The following BAIAP2 variants were observed in gnomAD, a reference collection of about 807,000 sequenced individuals.
BAIAP2 encodes BAR/IMD domain containing adaptor protein 2.
Under a neutral mutation model 63.0 loss-of-function variants are expected in BAIAP2, and 18 were observed. The observed-to-expected ratio is 0.29, with a 90% confidence interval of 0.20 to 0.42. BAIAP2 has a LOEUF of 0.42. Among genes scored for constraint, BAIAP2 ranks in the 10% least tolerant of loss-of-function variants. The pLI is 1.00. For synonymous variants in BAIAP2, 386 were observed against 307.6 expected (o/e 1.25, Z -2.67); for missense variants, 610 against 734.3 (o/e 0.83, Z 1.96).
chr17:81,048,854 C>T (rs929386659), intron 1 of BAIAP2, among the ~76,000 whole-genome samples: 1 of 152,190 alleles, frequency 6.6e-6, no homozygotes, highest in Non-Finnish European at 1.5e-5. Flanking sequence ...GGCAGCCAAG[C>T]GTGCGGGCAT....
At chr17:81,097,802 C>G (rs993820619) in intron 6 of BAIAP2, 9 of 271,636 alleles carry the variant, frequency 3.3e-5, no homozygotes, top group Non-Finnish European at 1.4e-5. Context: ...CTGCGGCCTC[C>G]CAGGAGGGGC....
chr17:81,062,583 A>T (rs1277860511), intron 3 of BAIAP2, among the ~76,000 whole-genome samples: 2 of 151,908 alleles, frequency 1.3e-5, no homozygotes, highest in Non-Finnish European at 2.9e-5. Flanking sequence ...GGCCGTGCAG[A>T]GTCAGCTTCT....
At chr17:81,085,447 C>T (rs773653993) in intron 4 of BAIAP2, 3 of 687,546 alleles carry the variant, frequency 4.4e-6, no homozygotes. Context: ...GTCCGACGTT[C>T]CAGACTCCTG....
At chr17:81,089,584 C>T (rs886248702) in intron 6 of BAIAP2, among the ~76,000 whole-genome samples, 9 of 7,768 alleles carry the variant, frequency 1.2e-3, no homozygotes, top group African/African-American at 3.3e-3. Context: ...TGTTTCCCAA[C>T]GGCTGCCACA....
At chr17:81,108,347 C>G in intron 12 of BAIAP2, 128 bp from the exon 13 acceptor site, 2 of 1,015,002 alleles carry the variant, frequency 2.0e-6, no homozygotes, top group South Asian at 1.5e-5. Flanking sequence ...AGATGGGGAG[C>G]CTTCCAAAGG....
At position 81,035,304 on chromosome 17, in the gene BAIAP2, A is replaced by G. The variant is rs776230594; in HGVS notation, c.50A>G (p.Tyr17Cys). The change falls in exon 1 of 14, where the codon TAT becomes TGT. Residue 17 changes from tyrosine (Y) to cysteine (C), a missense_variant. By Grantham distance (194) the Tyr-to-Cys change is radical. Coordinates refer to ENST00000428708, the MANE Select transcript of BAIAP2 (RefSeq NM_001144888.2). ...ATGCACCGGCTCACGGAAAATGTCT[A>G]TAAGGTGAGCGCCCCCCGGCGCCGA... is the stretch of plus-strand genomic sequence containing the variant. ...EEMHRLTENV[Y>C]KTIMEQFNPS... is the part of the protein sequence containing the mutation. 4 of 1,476,502 alleles carry G rather than the reference A, an allele frequency of 2.7e-6. No individual in the cohort carries two copies. The highest frequency in any genetic ancestry group is 3.6e-6 in the Non-Finnish European group (4 of 1,105,222). 91.5% of individuals were successfully genotyped at this position (1,476,502 alleles called of 1,614,324 possible). A position where few individuals can be genotyped will look rare whatever the true frequency, so the allele number is the denominator to read the frequency against.
intron 1 of BAIAP2, among the ~76,000 whole-genome samples, chr17:81,044,480 G>A (rs1218996102): frequency 6.6e-6 from 1 of 152,216 alleles, no homozygotes; most frequent in East Asian, 1.9e-4. Context: ...ATGGGATTAG[G>A]GCCCGCCCTA....
chr17:81,096,620 C>T lies in BAIAP2; in HGVS notation c.490-3308C>T, dbSNP rs1381353904. Among the ~76,000 whole-genome samples the T allele has an allele frequency of 4.6e-5, 7 of 152,220 alleles. No homozygotes were observed. In the South Asian group the frequency reaches 6.2e-4, roughly 14 times the overall value. On this transcript the variant is annotated intron_variant, in intron 6 of 13. Transcript: ENST00000428708. ...CTTGTGCACAAGCCCACTTGTTTCTCGGAGCACACCCTCCCCACCCAGTCC... is the reference window on the plus strand; with the variant it reads ...CTTGTGCACAAGCCCACTTGTTTCTTGGAGCACACCCTCCCCACCCAGTCC...
rs138656369 is a variant in BAIAP2, at chr17:81,055,569, G to GGTTTTTTTTTTTTTTTTTTTTT, written c.130+1826_130+1827insGTTTTTTTTTTTTTTTTTTTTT. On this transcript the variant is annotated intron_variant, in intron 2 of 13. Transcript: ENST00000428708. ...TTCCTCCAGCGAAAGTCTGCAGGGT[G>GGTTTTTTTTTTTTTTTTTTTTT]TTTTGTTTTTTTTTGAGACGGAGTC... Among the ~76,000 whole-genome samples the GGTTTTTTTTTTTTTTTTTTTTT allele has an allele frequency of 2.9e-3, 272 of 93,866 alleles. 30 individuals are homozygous for GGTTTTTTTTTTTTTTTTTTTTT. The highest frequency in any genetic ancestry group is 8.8e-3 in the East Asian group (26 of 2,942). The allele number at this position is 93,866 out of a possible 152,430, so 61.6% of individuals were successfully genotyped here.
intron 6 of BAIAP2, among the ~76,000 whole-genome samples, chr17:81,087,179 A>C (rs1052608730): frequency 2.0e-5 from 3 of 151,900 alleles, no homozygotes; most frequent in African/African-American, 7.2e-5. Flanking sequence ...GAAGAGAAAG[A>C]AACACAAAAC....
chr17:81,047,483 GCA>G (rs1172425519), intron 1 of BAIAP2, among the ~76,000 whole-genome samples: 1 of 152,238 alleles, frequency 6.6e-6, no homozygotes, highest in Non-Finnish European at 1.5e-5. Context: ...GACACATGTA[GCA>G]CACACACAGG....
At chr17:81,082,811 T>C (rs908431480) in intron 3 of BAIAP2, among the ~76,000 whole-genome samples, 1 of 152,186 alleles carries the variant, frequency 6.6e-6, no homozygotes, top group African/African-American at 2.4e-5. Flanking sequence ...CAGCCCTGTG[T>C]GTGCTGACCC....
intron 1 of BAIAP2, among the ~76,000 whole-genome samples, chr17:81,044,887 C>A (rs898092292): frequency 6.6e-6 from 1 of 152,252 alleles, no homozygotes; most frequent in Non-Finnish European, 1.5e-5. Context: ...AATGCACCGT[C>A]CCGTGTGGGC....
intron 6 of BAIAP2, among the ~76,000 whole-genome samples, chr17:81,094,992 T>C (rs2057386734): frequency 6.6e-6 from 1 of 152,246 alleles, no homozygotes; most frequent in Admixed American, 6.5e-5. Context: ...CCTCCCCCAC[T>C]CTGAGTCACC....
intron 1 of BAIAP2, among the ~76,000 whole-genome samples, chr17:81,050,413 G>A (rs1028564889): frequency 6.6e-6 from 1 of 152,232 alleles, no homozygotes; most frequent in Non-Finnish European, 1.5e-5. Flanking sequence ...CACTAAGGAA[G>A]CGAAACCTTG....
At chr17:81,088,623 G>C (rs955669908) in intron 6 of BAIAP2, among the ~76,000 whole-genome samples, 1 of 152,214 alleles carries the variant, frequency 6.6e-6, no homozygotes, top group Non-Finnish European at 1.5e-5. Flanking sequence ...TTTGGTGCCT[G>C]GTGGCTCACG....
intron 6 of BAIAP2, among the ~76,000 whole-genome samples, chr17:81,099,166 G>GTCTTGCTGTCCCCGTGGACGCTGA (rs1482444782): frequency 3.9e-5 from 6 of 152,216 alleles, no homozygotes; most frequent in Admixed American, 2.0e-4. Flanking sequence ...GTGGACGCTG[G>GTCTTGCTGTCCCCGTGGACGCTGA]TCTTGCTTTC....
chr17:81,086,612 C>T (rs2055688013), intron 6 of BAIAP2, 32 bp downstream of exon 6: 1 of 1,610,932 alleles, frequency 6.2e-7, no homozygotes, highest in African/African-American at 1.3e-5. Context: ...TGGTGCCTCT[C>T]CTGCCACCTT....
chr17:81,042,976 T>C (rs2047298013), intron 1 of BAIAP2, among the ~76,000 whole-genome samples: 1 of 152,180 alleles, frequency 6.6e-6, no homozygotes, highest in Admixed American at 6.5e-5. Flanking sequence ...CTCTGCCTCC[T>C]GGGCTCAAGC....
Sources: gnomAD v4.1 joint callset for allele counts (sites outside exome capture counted in the v4.1 genomes callset) on GRCh38, gnomAD v4.1.1 for gene constraint, MANE v1.5 for transcripts, NCBI Gene and HGNC (gene_info 2026-07-23, HGNC 2026-07-21) for gene names.